Variants in NCOA1 observed in about 807,000 individuals in gnomAD.
The protein encoded by NCOA1 is nuclear receptor coactivator 1, also known as Hin-2 protein.
NCOA1 carries 35 observed loss-of-function variants against 150.9 expected under a neutral mutation model. That is an observed-to-expected ratio of 0.23 (90% CI 0.18 to 0.31). NCOA1 has a LOEUF of 0.31. NCOA1 is among the 10% of genes least tolerant of loss of function. NCOA1 has a pLI of 1.00. For missense variants in NCOA1, 1,491 were observed against 1,749.3 expected, an observed-to-expected ratio of 0.85 and a Z score of 2.63; for synonymous variants, 590 against 630.0, an observed-to-expected ratio of 0.94 and a Z score of 0.95.
At chr2:24,557,804 CT>C (rs927534457) in intron 1 of NCOA1, among the ~76,000 whole-genome samples, 2 of 151,962 alleles carry the variant, frequency 1.3e-5, no homozygotes, top group African/African-American at 4.8e-5. Flanking sequence ...GGCTTGCATA[CT>C]TTCCTGATAA....
intron 3 of NCOA1, among the ~76,000 whole-genome samples, chr2:24,642,067 T>A (rs1318484089): frequency 1.4e-5 from 2 of 147,934 alleles, no homozygotes; most frequent in Non-Finnish European, 3.0e-5. Flanking sequence ...TGTGTATGTG[T>A]TTTCCCCAGA....
chr2:24,565,077 T>C (rs1257104548), intron 2 of NCOA1, among the ~76,000 whole-genome samples: 2 of 152,242 alleles, frequency 1.3e-5, no homozygotes, highest in African/African-American at 4.8e-5. Context: ...CTTTGGGATC[T>C]AATGAATTAC....
intron 2 of NCOA1, among the ~76,000 whole-genome samples, chr2:24,574,451 G>A (rs1465045618): frequency 6.6e-6 from 1 of 152,066 alleles, no homozygotes; most frequent in Non-Finnish European, 1.5e-5. Context: ...GTTCAGTGCA[G>A]TAAAACTCTT....
At chr2:24,591,600 C>G (rs1667660412) in intron 3 of NCOA1, among the ~76,000 whole-genome samples, 1 of 152,134 alleles carries the variant, frequency 6.6e-6, no homozygotes, top group Non-Finnish European at 1.5e-5. Context: ...AAAAATAGTT[C>G]CTAGAGGCCA....
intron 1 of NCOA1, among the ~76,000 whole-genome samples, chr2:24,544,508 C>G (rs1665528720): frequency 2.6e-5 from 4 of 152,058 alleles, no homozygotes; most frequent in Non-Finnish European, 5.9e-5. Flanking sequence ...TTTGGAAGGC[C>G]AAGGTGGTGG....
intron 22 of NCOA1, 71 bp from the exon 23 acceptor site, chr2:24,768,150 C>T (rs1212651855): frequency 6.2e-7 from 1 of 1,613,770 alleles, no homozygotes; most frequent in African/African-American, 1.3e-5. Flanking sequence ...GTTTCCACTT[C>T]AAGTAGTACC....
At chr2:24,547,235 G>A (rs1665639191) in intron 1 of NCOA1, among the ~76,000 whole-genome samples, 1 of 152,050 alleles carries the variant, frequency 6.6e-6, no homozygotes, top group Non-Finnish European at 1.5e-5. Context: ...TAGAAATTAG[G>A]TTATAAATCT....
At chr2:24,525,424 A>G (rs989792854) in intron 1 of NCOA1, among the ~76,000 whole-genome samples, 10 of 152,206 alleles carry the variant, frequency 6.6e-5, no homozygotes, top group African/African-American at 2.4e-4. Flanking sequence ...AAGGATAAGG[A>G]TTAGGAAAGC....
At chr2:24,575,069 A>G (rs1666897489) in intron 2 of NCOA1, among the ~76,000 whole-genome samples, 1 of 120,240 alleles carries the variant, frequency 8.3e-6, no homozygotes, top group African/African-American at 2.7e-5. Context: ...TATTTCTTCA[A>G]GTATGTTTTT....
At chr2:24,726,961 A>AC (rs1184292317) in intron 15 of NCOA1, among the ~76,000 whole-genome samples, 1 of 151,708 alleles carries the variant, frequency 6.6e-6, no homozygotes, top group Non-Finnish European at 1.5e-5. Flanking sequence ...ACATGGTGAA[A>AC]CCCCATCTCT....
At chr2:24,544,852 AT>A (rs2148204381) in intron 1 of NCOA1, among the ~76,000 whole-genome samples, 1 of 152,346 alleles carries the variant, frequency 6.6e-6, no homozygotes, top group African/African-American at 2.4e-5. Flanking sequence ...GTATATTGGG[AT>A]TAAAAAAATA....
intron 5 of NCOA1, among the ~76,000 whole-genome samples, chr2:24,664,585 G>T (rs1028178438): frequency 6.6e-6 from 1 of 152,040 alleles, no homozygotes; most frequent in Non-Finnish European, 1.5e-5. Context: ...GCGTGCGCCT[G>T]TAGTCCCAGC....
intron 19 of NCOA1, among the ~76,000 whole-genome samples, chr2:24,750,127 A>G (rs987423221): frequency 3.9e-5 from 6 of 152,184 alleles, no homozygotes; most frequent in African/African-American, 1.2e-4. Flanking sequence ...AGATATAACA[A>G]TGGAAACTAT....
intron 1 of NCOA1, among the ~76,000 whole-genome samples, chr2:24,500,162 G>T (rs1459233989): frequency 6.6e-6 from 1 of 152,020 alleles, no homozygotes; most frequent in Non-Finnish European, 1.5e-5. Context: ...AGGCTGGAGT[G>T]CAATGGCGCG....
chr2:24,712,302 C>T (rs932618215), intron 14 of NCOA1, among the ~76,000 whole-genome samples: 1 of 152,160 alleles, frequency 6.6e-6, no homozygotes, highest in Non-Finnish European at 1.5e-5. Context: ...CAGTAAGATG[C>T]AAGGCTGAAA....
At chr2:24,642,007 CGTGTGTGTGTGTGTGT>C (rs58991961) in intron 3 of NCOA1, among the ~76,000 whole-genome samples, 3 of 145,032 alleles carry the variant, frequency 2.1e-5, no homozygotes, top group Admixed American at 1.4e-4. Flanking sequence ...TTACAGAGGG[CGTGTGTGTGTGTGTGT>C]GTGTGTGTGT....
At chr2:24,590,206 G>A (rs147797348) in intron 3 of NCOA1, among the ~76,000 whole-genome samples, 238 of 152,116 alleles carry the variant, frequency 1.6e-3, no homozygotes, top group Middle Eastern at 6.8e-3. Context: ...CCAAATATAT[G>A]GATGCTACTC....
At chr2:24,616,223 A>C (rs1668867018) in intron 3 of NCOA1, among the ~76,000 whole-genome samples, 1 of 152,146 alleles carries the variant, frequency 6.6e-6, no homozygotes, top group African/African-American at 2.4e-5. Context: ...TTTCATCATG[A>C]GTTGTGTCTG....
At chr2:24,519,594 A>G (rs1664339553) in intron 1 of NCOA1, among the ~76,000 whole-genome samples, 1 of 147,938 alleles carries the variant, frequency 6.8e-6, no homozygotes, top group African/African-American at 2.5e-5. Flanking sequence ...CTGAGGCTGG[A>G]GGATCGTTTG....
Sources: gnomAD v4.1 joint callset for allele counts (sites outside exome capture counted in the v4.1 genomes callset) on GRCh38, gnomAD v4.1.1 for gene constraint, MANE v1.5 for transcripts, NCBI Gene and HGNC (gene_info 2026-07-23, HGNC 2026-07-21) for gene names.